NCMAP: variants seen among roughly 807,000 people sequenced by gnomAD.
NCMAP encodes the protein noncompact myelin-associated protein.
NCMAP carries 8 observed loss-of-function variants against 7.8 expected under a neutral mutation model. That is an observed-to-expected ratio of 1.02 (90% CI 0.60 to 1.84). NCMAP has a LOEUF of 1.84. NCMAP is among the 40% of genes most tolerant of loss of function. The pLI, the probability that NCMAP is intolerant of heterozygous loss-of-function variation, is 0.00. For synonymous variants in NCMAP, 41 were observed against 52.9 expected (o/e 0.78, Z 0.98); for missense variants, 112 against 131.4 (o/e 0.85, Z 0.72).
intron 1 of NCMAP, among the ~76,000 whole-genome samples, chr1:24,581,186 G>C (rs1651732896): frequency 6.7e-6 from 1 of 150,136 alleles, no homozygotes; most frequent in Non-Finnish European, 1.5e-5. Flanking sequence ...GTGCTATTTT[G>C]GCTCACTGCA....
rs374585549 is a variant in NCMAP, at chr1:24,576,757, T to C, written c.-7-18667T>C. On this transcript the variant is annotated intron_variant, in intron 1 of 3. Transcript: ENST00000374392. This position sits in a 1 kb window ranked among gnomAD's most constrained non-coding sequence, Gnocchi z 4.0. ...GTTCTTGCCCCCCATCTCAGGCCTC[T>C]CTGTTGGAGTTTTCAAGATGGCCGT... is the stretch of plus-strand genomic sequence containing the variant. Among the ~76,000 whole-genome samples, 2 of 152,112 alleles carry C rather than the reference T, an allele frequency of 1.3e-5. No individual in the cohort carries two copies. The highest frequency in any genetic ancestry group is 4.8e-5 in the African/African-American group (2 of 41,420).
In NCMAP at chr1:24,605,652, A is replaced by G; in HGVS notation, c.214A>G (p.Thr72Ala). The G allele has an allele frequency of 6.2e-7, 1 of 1,614,216 alleles. No individual in the cohort carries two copies. Among genetic ancestry groups the G allele is most frequent in the Non-Finnish European group, 8.5e-7 (1 of 1,180,032 alleles). ...RELEPKGPKP[T>A]APSAVGPNSN... is the part of the protein sequence containing the mutation. ...ACTAGAGCCCAAGGGCCCCAAGCCA[A>G]CCGCCCCTTCTGCCGTGGGCCCAAA... Residue 72 changes from threonine to alanine, a missense_variant, in exon 4 of 4, where the codon ACC becomes GCC. Transcript: ENST00000374392.
chr1:24,599,454 A>G (rs1324009542), intron 2 of NCMAP, among the ~76,000 whole-genome samples: 1 of 152,216 alleles, frequency 6.6e-6, no homozygotes, highest in African/African-American at 2.4e-5. Context: ...ATTGGTGAAC[A>G]GATTGTGGTA....
rs947037727 is a variant in NCMAP, at chr1:24,606,738, T to C, written c.*991T>C. Reference sequence around the variant, plus strand: ...TGTGACTCCTTAGCCTGGAGAACAATCTACCAAGAAGAGAAAGTATCTGGA... The same window carrying C: ...TGTGACTCCTTAGCCTGGAGAACAACCTACCAAGAAGAGAAAGTATCTGGA... On this transcript the variant is annotated 3_prime_UTR_variant, in exon 4 of 4. Transcript: ENST00000374392. 6.6e-6 allele frequency: 1 copy of C among 152,174 alleles called. No homozygotes were observed. Among genetic ancestry groups the C allele is most frequent in the African/African-American group, 2.4e-5 (1 of 41,432 alleles). The allele number at this position is 152,174 out of a possible 1,614,324, so 9.4% of individuals were successfully genotyped here.
chr1:24,596,244 G>A (rs1159732376), intron 2 of NCMAP, among the ~76,000 whole-genome samples: 1 of 152,158 alleles, frequency 6.6e-6, no homozygotes, highest in Non-Finnish European at 1.5e-5. Context: ...CTGCACTCCA[G>A]CCTGGGCAAC....
In NCMAP at chr1:24,561,301, C is replaced by T. The variant is rs191184198; in HGVS notation, c.-8+5132C>T. 1.5e-3 allele frequency among the ~76,000 whole-genome samples: 229 copies of T among 151,006 alleles called. 1 individual carries two copies. The highest frequency in any genetic ancestry group is 5.3e-3 in the African/African-American group (217 of 41,036). On this transcript the variant is annotated intron_variant, in intron 1 of 3. Coordinates refer to ENST00000374392, the MANE Select transcript of NCMAP (RefSeq NM_001010980.5). ...GGCGGAGGTTGCAGTGAGCCGAGAT[C>T]GCACCACTGCCCTCCAGCCTGGGTG...
At chr1:24,585,449 C>T (rs1167728706) in intron 1 of NCMAP, among the ~76,000 whole-genome samples, 1 of 152,164 alleles carries the variant, frequency 6.6e-6, no homozygotes, top group African/African-American at 2.4e-5. Context: ...CTTCCCTCTC[C>T]TCACATCCCC....
chr1:24,597,194 G>T (rs1043187459), intron 2 of NCMAP, among the ~76,000 whole-genome samples: 18 of 152,006 alleles, frequency 1.2e-4, no homozygotes, highest in African/African-American at 3.9e-4. Flanking sequence ...GAATAATTCT[G>T]TTTTTCTTGA....
intron 1 of NCMAP, among the ~76,000 whole-genome samples, chr1:24,594,754 G>A (rs1324340292): frequency 6.6e-6 from 1 of 152,064 alleles, no homozygotes; most frequent in Non-Finnish European, 1.5e-5. Context: ...GCCAGGCTTG[G>A]TGGCACATGC....
chr1:24,604,729 C>T (rs1448948203), intron 3 of NCMAP, among the ~76,000 whole-genome samples: 1 of 142,202 alleles, frequency 7.0e-6, no homozygotes, highest in African/African-American at 2.6e-5. Context: ...CACCTGCAAT[C>T]CCAGCACTTT....
chr1:24,605,478 G>C, intron 3 of NCMAP, 128 bp from the exon 4 acceptor site: 2 of 1,107,000 alleles, frequency 1.8e-6, no homozygotes, highest in Non-Finnish European at 1.3e-6. Context: ...GTGGTGGCAA[G>C]TAAGCAATGT....
In NCMAP at chr1:24,606,976, T is replaced by C. The variant is rs1386666401; in HGVS notation, c.*1229T>C. ...TTAATAAATGGGAACCAGGATTCTT[T>C]TTCTTTTCTTTTTTCTTTTCTTTTT... On this transcript the variant is annotated 3_prime_UTR_variant, in exon 4 of 4. Coordinates refer to ENST00000374392, the MANE Select transcript of NCMAP (RefSeq NM_001010980.5). 6.7e-6 allele frequency: 1 copy of C among 148,686 alleles called. No individual in the cohort carries two copies. Among genetic ancestry groups the C allele is most frequent in the African/African-American group, 2.6e-5 (1 of 37,942 alleles). The allele number at this position is 148,686 out of a possible 1,614,324, so 9.2% of individuals were successfully genotyped here. A position where few individuals can be genotyped will look rare whatever the true frequency, so the allele number is the denominator to read the frequency against.
intron 1 of NCMAP, among the ~76,000 whole-genome samples, chr1:24,557,572 G>T (rs1328758751): frequency 6.6e-6 from 1 of 152,190 alleles, no homozygotes; most frequent in African/African-American, 2.4e-5. Context: ...GCCCGTGGGA[G>T]TGGATGATGG....
intron 1 of NCMAP, among the ~76,000 whole-genome samples, chr1:24,577,883 G>A (rs555879428): frequency 3.0e-4 from 45 of 152,174 alleles, no homozygotes; most frequent in Admixed American, 1.8e-3. Flanking sequence ...GTCGCCTCCC[G>A]GCCATGGCTC....
At chr1:24,581,778 A>C (rs909720724) in intron 1 of NCMAP, among the ~76,000 whole-genome samples, 10 of 152,240 alleles carry the variant, frequency 6.6e-5, no homozygotes, top group Admixed American at 2.0e-4. Flanking sequence ...ACAAGACTAA[A>C]GTCCTTACAA....
intron 1 of NCMAP, among the ~76,000 whole-genome samples, chr1:24,557,768 C>G (rs1218804248): frequency 6.6e-6 from 1 of 152,172 alleles, no homozygotes; most frequent in Non-Finnish European, 1.5e-5. Flanking sequence ...CTGCTGGGCT[C>G]TGTGCTGGCT....
At chr1:24,567,130 T>C (rs1372203548) in intron 1 of NCMAP, among the ~76,000 whole-genome samples, 1 of 152,154 alleles carries the variant, frequency 6.6e-6, no homozygotes, top group African/African-American at 2.4e-5. Context: ...CTCAGGCACC[T>C]GCTTAACCCC....
chr1:24,564,923 C>T (rs1301664503), intron 1 of NCMAP, among the ~76,000 whole-genome samples: 1 of 152,042 alleles, frequency 6.6e-6, no homozygotes, highest in Non-Finnish European at 1.5e-5. Flanking sequence ...TTAAAGCCAG[C>T]CAATTTGTCA....
chr1:24,580,753 C>G (rs1240529315), intron 1 of NCMAP, among the ~76,000 whole-genome samples: 2 of 152,208 alleles, frequency 1.3e-5, no homozygotes, highest in Admixed American at 1.3e-4. Flanking sequence ...GCCACTGCGC[C>G]CAGGCAGTCT....
Sources: allele counts gnomAD v4.1 joint callset (sites outside exome capture counted in the v4.1 genomes callset), GRCh38; gene constraint gnomAD v4.1.1; non-coding constraint Gnocchi (gnomAD v3.1); transcripts MANE v1.5; gene names NCBI Gene and HGNC (gene_info 2026-07-23, HGNC 2026-07-21).